The following NALF1 variants were observed in gnomAD, a reference collection of about 807,000 sequenced individuals.
The protein encoded by NALF1 is NALCN channel auxiliary factor 1, also known as family with sequence similarity 155 member A.
In NALF1, 3 loss-of-function variants were observed where a neutral mutation model predicts 48.4. The observed-to-expected ratio is 0.06, with a 90% CI of 0.03 to 0.16. The LOEUF (loss-of-function observed/expected upper bound fraction) is 0.16, where lower values mean the gene tolerates loss of function less well. NALF1 is among the 10% of genes least tolerant of loss of function. The pLI, the probability that NALF1 is intolerant of heterozygous loss-of-function variation, is 1.00. For missense variants in NALF1, 526 were observed against 571.5 expected (o/e 0.92, Z 0.81); for synonymous variants, 262 against 245.7 (o/e 1.07, Z -0.62).
intron 1 of NALF1, among the ~76,000 whole-genome samples, chr13:107,321,537 T>C (rs1426450570): frequency 6.6e-6 from 1 of 152,120 alleles, no homozygotes; most frequent in Non-Finnish European, 1.5e-5. Context: ...TTTCTGAGGA[T>C]TAAGATATTT....
chr13:107,170,941 G>A (rs544724713), intron 2 of NALF1, among the ~76,000 whole-genome samples, 155 bp from the exon 3 acceptor site: 1 of 152,288 alleles, frequency 6.6e-6, no homozygotes, highest in African/African-American at 2.4e-5. Context: ...TGGATAAAGA[G>A]TCACCCATGG....
chr13:107,349,645 G>A (rs761846897), intron 1 of NALF1, among the ~76,000 whole-genome samples: 12 of 151,486 alleles, frequency 7.9e-5, no homozygotes, highest in Admixed American at 6.6e-5. Flanking sequence ...GAAAGCTGAG[G>A]CAGAGGAATC....
chr13:107,681,318 T>A (rs1280615768), intron 1 of NALF1, among the ~76,000 whole-genome samples: 1 of 152,160 alleles, frequency 6.6e-6, no homozygotes, highest in Non-Finnish European at 1.5e-5. Flanking sequence ...TTGGCCACAC[T>A]GACTTCAAAT....
chr13:107,174,370 T>A (rs1260327304), intron 2 of NALF1, among the ~76,000 whole-genome samples: 4 of 63,050 alleles, frequency 6.3e-5, no homozygotes, highest in African/African-American at 1.8e-4. Flanking sequence ...TTTATTTTTT[T>A]TTTTGAGACA....
intron 1 of NALF1, among the ~76,000 whole-genome samples, chr13:107,318,997 T>C (rs1430125041): frequency 1.3e-5 from 2 of 152,120 alleles, no homozygotes; most frequent in Non-Finnish European, 1.5e-5. Flanking sequence ...AGACGTATGA[T>C]TGTCCAGAAA....
At chr13:107,207,414 A>G (rs1879666351) in intron 2 of NALF1, among the ~76,000 whole-genome samples, 1 of 152,238 alleles carries the variant, frequency 6.6e-6, no homozygotes, top group African/African-American at 2.4e-5. Context: ...AAAAATGTGC[A>G]ACTTAAAATC....
chr13:107,514,888 G>A (rs1041430901), intron 1 of NALF1, among the ~76,000 whole-genome samples: 1 of 152,164 alleles, frequency 6.6e-6, no homozygotes, highest in Non-Finnish European at 1.5e-5. Flanking sequence ...TAGTTTGTTG[G>A]TAGGCAGCAG....
intron 1 of NALF1, among the ~76,000 whole-genome samples, chr13:107,343,889 CAAG>C (rs1353370462): frequency 2.0e-5 from 3 of 150,002 alleles, no homozygotes; most frequent in Non-Finnish European, 3.0e-5. Flanking sequence ...AACAGAAAAA[CAAG>C]AAGAAAAAAA....
chr13:107,216,965 A>T (rs1223252288), intron 1 of NALF1, among the ~76,000 whole-genome samples: 5 of 152,194 alleles, frequency 3.3e-5, no homozygotes, highest in Non-Finnish European at 7.3e-5. Context: ...GGGCTTAGGA[A>T]AAAAGGGAAA....
At chr13:107,609,506 C>T (rs1320675293) in intron 1 of NALF1, among the ~76,000 whole-genome samples, 1 of 152,170 alleles carries the variant, frequency 6.6e-6, no homozygotes, top group Non-Finnish European at 1.5e-5. Flanking sequence ...AACCAAGAGC[C>T]TTGTGAGCCT....
chr13:107,509,437 T>A (rs1875808716), intron 1 of NALF1, among the ~76,000 whole-genome samples: 1 of 152,174 alleles, frequency 6.6e-6, no homozygotes, highest in Non-Finnish European at 1.5e-5. Flanking sequence ...TAGCAAAAGA[T>A]TTATAAGAAA....
At chr13:107,566,781 G>C (rs139366667) in intron 1 of NALF1, among the ~76,000 whole-genome samples, 1 of 152,198 alleles carries the variant, frequency 6.6e-6, no homozygotes, top group East Asian at 1.9e-4. Flanking sequence ...ATCCTAAAGA[G>C]AGCTGTGTGA....
chr13:107,555,407 G>A (rs914606074), intron 1 of NALF1, among the ~76,000 whole-genome samples: 3 of 149,870 alleles, frequency 2.0e-5, no homozygotes, highest in African/African-American at 7.4e-5. Flanking sequence ...CAAGTAGCTG[G>A]GACTACAGGT....
chr13:107,800,304 T>C (rs1284645313), intron 1 of NALF1, among the ~76,000 whole-genome samples: 1 of 152,130 alleles, frequency 6.6e-6, no homozygotes, highest in Non-Finnish European at 1.5e-5. Flanking sequence ...AATTTGACAC[T>C]GTGTAGAAAA....
intron 1 of NALF1, among the ~76,000 whole-genome samples, chr13:107,271,978 A>G (rs1594099110): frequency 6.6e-6 from 1 of 151,702 alleles, no homozygotes; most frequent in East Asian, 1.9e-4. Flanking sequence ...CAGGACTCAC[A>G]TTCAGGCGGG....
chr13:107,271,271 C>T (rs1881159197), intron 1 of NALF1, among the ~76,000 whole-genome samples: 1 of 151,976 alleles, frequency 6.6e-6, no homozygotes, highest in African/African-American at 2.4e-5. Context: ...CTTAATCGCA[C>T]TCCAGTTTCA....
chr13:107,798,189 G>C (rs1271815242), intron 1 of NALF1, among the ~76,000 whole-genome samples: 1 of 152,170 alleles, frequency 6.6e-6, no homozygotes, highest in Admixed American at 6.5e-5. Flanking sequence ...ACAATGAGTA[G>C]AGAATATCAA....
At chr13:107,570,937 T>C (rs981492953) in intron 1 of NALF1, among the ~76,000 whole-genome samples, 1 of 152,170 alleles carries the variant, frequency 6.6e-6, no homozygotes, top group African/African-American at 2.4e-5. Context: ...AGATAAAGAA[T>C]CTTAGGATTC....
At chr13:107,525,791 T>C (rs1876413954) in intron 1 of NALF1, among the ~76,000 whole-genome samples, 1 of 152,152 alleles carries the variant, frequency 6.6e-6, no homozygotes. Context: ...GCCCTTGGTA[T>C]TGTCTATATT....
Sources: gnomAD v4.1 joint callset for allele counts (sites outside exome capture counted in the v4.1 genomes callset) on GRCh38, gnomAD v4.1.1 for gene constraint, MANE v1.5 for transcripts, NCBI Gene and HGNC (gene_info 2026-07-23, HGNC 2026-07-21) for gene names.